The following CBFA2T3 variants were observed in gnomAD, a reference collection of about 807,000 sequenced individuals.
CBFA2T3 encodes transcriptional corepressor CBFA2T3.
Under a neutral mutation model 58.6 loss-of-function variants are expected in CBFA2T3, and 31 were observed. The ratio of observed to expected loss-of-function variants is 0.53; its 90% confidence interval spans 0.40 to 0.71. The LOEUF (loss-of-function observed/expected upper bound fraction) is 0.71. Ranked by LOEUF, CBFA2T3 falls within the 30% of genes least tolerant of loss-of-function variation. The pLI is 0.00. For missense variants in CBFA2T3, 1,076 were observed against 963.1 expected, an observed-to-expected ratio of 1.12 and a Z score of -1.55; for synonymous variants, 531 against 421.9, an observed-to-expected ratio of 1.26 and a Z score of -3.17.
At chr16:88,878,860 C>T (rs1022750271) in intron 11 of CBFA2T3, among the ~76,000 whole-genome samples, 11 of 152,146 alleles carry the variant, frequency 7.2e-5, no homozygotes, top group South Asian at 2.1e-4. Flanking sequence ...GCAGGAGAAC[C>T]GCTTGAACCC....
intron 1 of CBFA2T3, among the ~76,000 whole-genome samples, chr16:88,975,153 GGTCC>G: frequency 7.0e-6 from 1 of 142,472 alleles, no homozygotes; most frequent in Non-Finnish European, 1.6e-5. Flanking sequence ...CCATGTCAGA[GGTCC>G]ACCCTGACCC....
At chr16:88,945,249 C>G (rs991147368) in intron 1 of CBFA2T3, among the ~76,000 whole-genome samples, 1 of 152,130 alleles carries the variant, frequency 6.6e-6, no homozygotes, top group Admixed American at 6.5e-5. Flanking sequence ...AGCTCCCTAC[C>G]TAGAACAGTG....
At chr16:88,918,559 C>G (rs1442426942) in intron 1 of CBFA2T3, among the ~76,000 whole-genome samples, 1 of 152,250 alleles carries the variant, frequency 6.6e-6, no homozygotes, top group Non-Finnish European at 1.5e-5. Context: ...GTGCGGCCCA[C>G]CAACCTCCTC....
Position 88,920,307 on chromosome 16 carries a change from C to T in CBFA2T3, c.152-18651G>A, listed in dbSNP as rs566561445. Among the ~76,000 whole-genome samples, 14 of 152,306 alleles carry T rather than the reference C, an allele frequency of 9.2e-5. No homozygotes were observed. In the South Asian group the frequency reaches 1.2e-3, roughly 14 times the overall value. On this transcript the variant is annotated intron_variant, in intron 1 of 11. Transcript: ENST00000268679. ...ATCTTCTTTTTTTGAGATGGAGTCT[C>T]GCTCTGTCACCCAGGCTGAAGTGCA...
chr16:88,935,847 G>C (rs1433338460), intron 1 of CBFA2T3, among the ~76,000 whole-genome samples: 1 of 152,230 alleles, frequency 6.6e-6, no homozygotes. Context: ...CAGCCCGAAG[G>C]GGTAAATGCC....
At chr16:88,909,799 C>T (rs923585248) in intron 1 of CBFA2T3, among the ~76,000 whole-genome samples, 1 of 152,212 alleles carries the variant, frequency 6.6e-6, no homozygotes, top group African/African-American at 2.4e-5. Context: ...GGTCACTGGC[C>T]ACGGCCGTGC....
chr16:88,894,579 T>A (rs1449728052), intron 3 of CBFA2T3, among the ~76,000 whole-genome samples: 1 of 147,516 alleles, frequency 6.8e-6, no homozygotes, highest in African/African-American at 2.6e-5. Context: ...CACACACACA[T>A]GCATACATAT....
At chr16:88,877,504 C>G (rs1486600870) in intron 11 of CBFA2T3, among the ~76,000 whole-genome samples, 1 of 152,210 alleles carries the variant, frequency 6.6e-6, no homozygotes, top group Non-Finnish European at 1.5e-5. Flanking sequence ...CCAGATAGGT[C>G]TGCGCTGTGC....
At chr16:88,925,958 C>G (rs898816032) in intron 1 of CBFA2T3, among the ~76,000 whole-genome samples, 1 of 152,250 alleles carries the variant, frequency 6.6e-6, no homozygotes, top group East Asian at 1.9e-4. Flanking sequence ...CAGAAAGACA[C>G]GGCTGTCCTG....
At chr16:88,971,350 T>G (rs971729239) in intron 1 of CBFA2T3, among the ~76,000 whole-genome samples, 6 of 152,166 alleles carry the variant, frequency 3.9e-5, no homozygotes, top group Admixed American at 1.3e-4. Flanking sequence ...CCTCAAGTGA[T>G]CCGCCTGCCT....
chr16:88,882,867 CG>C, intron 7 of CBFA2T3, 106 bp from the exon 8 acceptor site: 1 of 776,418 alleles, frequency 1.3e-6, no homozygotes. Flanking sequence ...GGGCTGTGCC[CG>C]CTGGGGACGA....
At chr16:88,914,713 G>A (rs533330026) in intron 1 of CBFA2T3, among the ~76,000 whole-genome samples, 18 of 152,294 alleles carry the variant, frequency 1.2e-4, no homozygotes, top group Non-Finnish European at 2.4e-4. Flanking sequence ...CCCAGGGCCT[G>A]GTCTTCTACA....
chr16:88,910,461 T>C (rs1375981339), intron 1 of CBFA2T3, among the ~76,000 whole-genome samples: 1 of 152,158 alleles, frequency 6.6e-6, no homozygotes, highest in Non-Finnish European at 1.5e-5. Flanking sequence ...CAGCAAACAC[T>C]TGCTGCGTGG....
At chr16:88,913,111 C>T (rs1338219675) in intron 1 of CBFA2T3, among the ~76,000 whole-genome samples, 1 of 152,250 alleles carries the variant, frequency 6.6e-6, no homozygotes, top group East Asian at 1.9e-4. Flanking sequence ...TCTGGGCTGG[C>T]CGGGGGACTT....
At position 88,881,273 on chromosome 16, in the gene CBFA2T3, C is replaced by A. The variant is rs534264933; in HGVS notation, c.1402+18G>T. The A allele has an allele frequency of 6.9e-6, 11 of 1,594,208 alleles. No homozygotes were observed. The African/African-American group carries it at 9.4e-5, about 14-fold the overall frequency. ...GAGCACCCCGTGTCTGCTCCCTCCC[C>A]CCACACCCCACACGCACCTAGCTGA... On this transcript the variant is annotated intron_variant, in intron 9 of 11. Transcript: ENST00000268679.
chr16:88,909,438 C>G (rs894908271), intron 1 of CBFA2T3, among the ~76,000 whole-genome samples: 1 of 151,972 alleles, frequency 6.6e-6, no homozygotes, highest in Admixed American at 6.5e-5. Flanking sequence ...CCCAGGCAAC[C>G]CCAGCGGCGG....
At chr16:88,919,666 G>A (rs986917736) in intron 1 of CBFA2T3, among the ~76,000 whole-genome samples, 1 of 152,204 alleles carries the variant, frequency 6.6e-6, no homozygotes, top group African/African-American at 2.4e-5. Flanking sequence ...CCTCTCCGCG[G>A]AGTCCCCGGG....
rs1971096275 is a variant in CBFA2T3 at position 88,926,723 on chromosome 16, CCTCGG to C, written c.152-25072_152-25068del. ...GGTGGGGCCTGCTGAGCCTCAGTTT[CCTCGG>C]CTGTAAGACGGGACGGAGGTGTTCA... is the stretch of plus-strand genomic sequence containing the variant. On this transcript the variant is annotated intron_variant, in intron 1 of 11. Coordinates refer to ENST00000268679, the MANE Select transcript of CBFA2T3 (RefSeq NM_005187.6). 2.0e-5 allele frequency among the ~76,000 whole-genome samples: 3 copies of C among 152,260 alleles called. No homozygotes were observed. In the South Asian group the frequency reaches 6.2e-4, roughly 31 times the overall value.
chr16:88,959,618 G>A (rs1000649279), intron 1 of CBFA2T3, among the ~76,000 whole-genome samples: 1 of 152,208 alleles, frequency 6.6e-6, no homozygotes. Flanking sequence ...AGGTGCAGGA[G>A]AGGGAAGGTC....
Sources: gnomAD v4.1 joint callset for allele counts (sites outside exome capture counted in the v4.1 genomes callset) on GRCh38, gnomAD v4.1.1 for gene constraint, MANE v1.5 for transcripts, NCBI Gene and HGNC (gene_info 2026-07-23, HGNC 2026-07-21) for gene names.